LPAR6: variants seen among roughly 807,000 people sequenced by gnomAD.
LPAR6 encodes G-protein coupled purinergic receptor P2Y5.
A neutral mutation model predicts 22.0 loss-of-function variants in LPAR6; 17 were observed. The observed-to-expected ratio is 0.77, with a 90% CI of 0.53 to 1.16. The LOEUF is 1.16. Among genes scored for constraint, LPAR6 ranks in the 50% most tolerant of loss-of-function variants. LPAR6 has a pLI of 0.00. For missense variants in LPAR6, 384 were observed against 406.9 expected (o/e 0.94, Z 0.48); for synonymous variants, 136 against 139.8 (o/e 0.97, Z 0.19).
At chr13:48,400,662 T>C (rs1948684030) in intron 1 of LPAR6, among the ~76,000 whole-genome samples, 1 of 152,144 alleles carries the variant, frequency 6.6e-6, no homozygotes, top group Non-Finnish European at 1.5e-5. Context: ...AGAGATGTCA[T>C]GTAACTTGCT....
intron 1 of LPAR6, among the ~76,000 whole-genome samples, chr13:48,432,936 A>G (rs998068199): frequency 6.6e-6 from 1 of 152,108 alleles, no homozygotes; most frequent in African/African-American, 2.4e-5. Flanking sequence ...AGTCTTTGCT[A>G]TTATGCTTAT....
chr13:48,443,533 A>G (rs547636775), intron 1 of LPAR6, among the ~76,000 whole-genome samples: 1 of 152,328 alleles, frequency 6.6e-6, no homozygotes, highest in East Asian at 1.9e-4. Flanking sequence ...ACTTATTTTG[A>G]AGATTAAATG....
chr13:48,391,285 C>T (rs1448253984), intron 1 of LPAR6: 2 of 152,118 alleles, frequency 1.3e-5, no homozygotes, highest in Admixed American at 6.6e-5. Context: ...CATTTTGCTT[C>T]GACAGAAGTT....
intron 1 of LPAR6, among the ~76,000 whole-genome samples, chr13:48,392,347 G>A (rs910289186): frequency 5.9e-5 from 9 of 152,110 alleles, no homozygotes; most frequent in African/African-American, 2.2e-4. Flanking sequence ...CTGATCTCAG[G>A]TGACCCACCC....
intron 1 of LPAR6, among the ~76,000 whole-genome samples, chr13:48,394,057 C>T (rs1174156712): frequency 2.0e-5 from 3 of 152,134 alleles, no homozygotes; most frequent in African/African-American, 4.8e-5. Context: ...GTACCTGGCT[C>T]ATCTCATTGG....
At chr13:48,435,253 T>C (rs905251996) in intron 1 of LPAR6, among the ~76,000 whole-genome samples, 1 of 152,220 alleles carries the variant, frequency 6.6e-6, no homozygotes, top group African/African-American at 2.4e-5. Context: ...TTTATTTTAG[T>C]CATTCTGATA....
At chr13:48,402,702 G>C (rs567853961) in intron 1 of LPAR6, among the ~76,000 whole-genome samples, 3 of 151,920 alleles carry the variant, frequency 2.0e-5, no homozygotes, top group African/African-American at 4.8e-5. Context: ...TGTGTCCTTT[G>C]CTTTATTTTT....
intron 1 of LPAR6, among the ~76,000 whole-genome samples, chr13:48,397,334 GTCC>G (rs1156475303): frequency 1.3e-5 from 2 of 152,140 alleles, no homozygotes; most frequent in Non-Finnish European, 2.9e-5. Flanking sequence ...ATGAGTTCGT[GTCC>G]TTTGCAGGGA....
intron 2 of LPAR6, among the ~76,000 whole-genome samples, chr13:48,419,169 G>A (rs1948965086): frequency 6.6e-6 from 1 of 151,886 alleles, no homozygotes; most frequent in Admixed American, 6.6e-5. Context: ...GCAAAACAAT[G>A]GAAATCATAA....
At chr13:48,430,323 G>A (rs2138274749), upstream of LPAR6, among the ~76,000 whole-genome samples, 2 of 152,092 alleles carry the variant, frequency 1.3e-5, no homozygotes, top group Admixed American at 1.3e-4. Context: ...AAAAAAAGAG[G>A]TAGACTTTGA....
intron 1 of LPAR6, among the ~76,000 whole-genome samples, chr13:48,424,525 A>C (rs1949052378): frequency 6.6e-6 from 1 of 152,198 alleles, no homozygotes; most frequent in Non-Finnish European, 1.5e-5. Flanking sequence ...AGGAGTGAAA[A>C]TGTTATTGTG....
rs546960106 is a variant in LPAR6, at chr13:48,419,847, G to A, written c.-953-2527C>T. Among the ~76,000 whole-genome samples the A allele has an allele frequency of 1.9e-4, 29 of 152,232 alleles. No individual in the cohort carries two copies. The East Asian group carries it at 2.7e-3, about 14-fold the overall frequency. ...CCCAAGAGTAAACCAGGAAGAAGTC[G>A]AATCCCTGAATAGACCAATAACAAG... On this transcript the variant is annotated intron_variant, in intron 2 of 4. Coordinates refer to the LPAR6 transcript ENST00000345941.
chr13:48,392,696 T>A (rs1948620109), intron 1 of LPAR6, among the ~76,000 whole-genome samples: 1 of 152,176 alleles, frequency 6.6e-6, no homozygotes, highest in African/African-American at 2.4e-5. Flanking sequence ...TAAATGTCCC[T>A]GTTACTAAGT....
chr13:48,405,131 C>T (rs558553746), intron 1 of LPAR6, among the ~76,000 whole-genome samples: 1 of 152,182 alleles, frequency 6.6e-6, no homozygotes, highest in South Asian at 2.1e-4. Context: ...CACACCAGAG[C>T]AGAGAGAAAA....
chr13:48,436,107 T>A (rs1949180752), intron 1 of LPAR6, among the ~76,000 whole-genome samples: 1 of 152,170 alleles, frequency 6.6e-6, no homozygotes, highest in Non-Finnish European at 1.5e-5. Flanking sequence ...AATTTTAAGA[T>A]TTGTACTATG....
chr13:48,424,712 C>T (rs1315991439), intron 1 of LPAR6, among the ~76,000 whole-genome samples: 1 of 152,104 alleles, frequency 6.6e-6, no homozygotes, highest in Non-Finnish European at 1.5e-5. Flanking sequence ...TGTACTTCCA[C>T]AGTACTTAGT....
intron 1 of LPAR6, among the ~76,000 whole-genome samples, chr13:48,400,361 T>C (rs1289947926): frequency 1.3e-5 from 2 of 152,120 alleles, no homozygotes; most frequent in African/African-American, 2.4e-5. Context: ...ACAAAACTGG[T>C]TGGTGACAGA....
intron 1 of LPAR6, among the ~76,000 whole-genome samples, chr13:48,433,641 CTG>C (rs1223499243): frequency 6.6e-6 from 1 of 150,910 alleles, no homozygotes; most frequent in African/African-American, 2.4e-5. Context: ...CTTGATAAAA[CTG>C]TTCCACTGTT....
intron 1 of LPAR6, among the ~76,000 whole-genome samples, chr13:48,396,605 A>G (rs1276063618): frequency 6.6e-6 from 1 of 152,244 alleles, no homozygotes; most frequent in African/African-American, 2.4e-5. Context: ...TTCATGACCA[A>G]AACACCAAAA....
Sources: gnomAD v4.1 joint callset for allele counts (sites outside exome capture counted in the v4.1 genomes callset) on GRCh38, gnomAD v4.1.1 for gene constraint, MANE v1.5 for transcripts, NCBI Gene and HGNC (gene_info 2026-07-23, HGNC 2026-07-21) for gene names.